NPAS2: variants seen among roughly 807,000 people sequenced by gnomAD.
NPAS2 encodes the protein neuronal PAS domain protein 2.
In NPAS2, 23 loss-of-function variants were observed where a neutral mutation model predicts 107.5. The observed-to-expected ratio is 0.21, with a 90% CI of 0.15 to 0.30. NPAS2 has a LOEUF of 0.30. Among genes scored for constraint, NPAS2 ranks in the 10% least tolerant of loss-of-function variants. NPAS2 has a pLI of 1.00. For missense variants in NPAS2, 756 were observed against 1,043.3 expected, an observed-to-expected ratio of 0.72 and a Z score of 3.79; for synonymous variants, 403 against 417.5, an observed-to-expected ratio of 0.97 and a Z score of 0.42.
At chr2:100,929,006 C>A (rs1259460139) in intron 3 of NPAS2, among the ~76,000 whole-genome samples, 1 of 152,178 alleles carries the variant, frequency 6.6e-6, no homozygotes, top group Non-Finnish European at 1.5e-5. Context: ...CAGGTTCAAG[C>A]GATTCTCCTG....
chr2:100,905,715 G>A (rs1350922647), intron 2 of NPAS2, among the ~76,000 whole-genome samples: 1 of 152,118 alleles, frequency 6.6e-6, no homozygotes, highest in Non-Finnish European at 1.5e-5. Context: ...TGTGTGGCAG[G>A]GCTCTCCGTC....
chr2:100,932,704 T>A (rs900247161), intron 3 of NPAS2, among the ~76,000 whole-genome samples: 5 of 151,196 alleles, frequency 3.3e-5, no homozygotes, highest in Admixed American at 1.3e-4. Context: ...GGGATGCACC[T>A]CCCTAAAGCC....
chr2:100,849,111 C>G (rs529820166), intron 1 of NPAS2, among the ~76,000 whole-genome samples: 78 of 152,328 alleles, frequency 5.1e-4, no homozygotes, highest in African/African-American at 1.7e-3. Context: ...TTGCCTTTCT[C>G]AAAGGCTGCT....
intron 2 of NPAS2, among the ~76,000 whole-genome samples, chr2:100,914,234 C>T (rs182406072): frequency 2.6e-5 from 4 of 152,252 alleles, no homozygotes; most frequent in East Asian, 3.9e-4. Context: ...TGTGGTGACT[C>T]TCCTTCCTTC....
intron 1 of NPAS2, among the ~76,000 whole-genome samples, chr2:100,890,036 G>A (rs373169906): frequency 7.9e-5 from 12 of 152,228 alleles, no homozygotes; most frequent in South Asian, 4.2e-4. Flanking sequence ...TCCTGGCAGC[G>A]TGCAGTGGTG....
At chr2:100,993,578 C>T (rs1250481635) in intron 20 of NPAS2, 51 bp downstream of exon 20, 15 of 1,327,098 alleles carry the variant, frequency 1.1e-5, no homozygotes, top group Admixed American at 5.8e-5. Context: ...AGCCGGGCCA[C>T]GCTCCACACC....
intron 1 of NPAS2, among the ~76,000 whole-genome samples, chr2:100,889,361 G>A (rs985419102): frequency 1.6e-4 from 25 of 152,214 alleles, no homozygotes; most frequent in African/African-American, 5.1e-4. Context: ...GGCTTGCCAC[G>A]GGGCTTTCTG....
intron 5 of NPAS2, among the ~76,000 whole-genome samples, chr2:100,941,592 G>A (rs1323431778): frequency 6.6e-6 from 1 of 152,106 alleles, no homozygotes; most frequent in East Asian, 1.9e-4. Flanking sequence ...AATGAGAATT[G>A]TTCAGCAGTG....
At chr2:100,963,390 GTTTGTTTTGTTTTGT>G (rs552393797) in intron 7 of NPAS2, among the ~76,000 whole-genome samples, 1 of 149,008 alleles carries the variant, frequency 6.7e-6, no homozygotes, top group Non-Finnish European at 1.5e-5. Flanking sequence ...TCTTTTTTTT[GTTTGTTTTGTTTTGT>G]TTTGTTTTGT....
At chr2:100,841,119 C>G (rs754689347) in intron 1 of NPAS2, among the ~76,000 whole-genome samples, 5 of 152,180 alleles carry the variant, frequency 3.3e-5, no homozygotes, top group Non-Finnish European at 7.3e-5. Context: ...AGTGAGCAAA[C>G]AGTGCCTATT....
At chr2:100,885,715 C>T (rs1034231622) in intron 1 of NPAS2, among the ~76,000 whole-genome samples, 1 of 152,176 alleles carries the variant, frequency 6.6e-6, no homozygotes, top group African/African-American at 2.4e-5. Flanking sequence ...TGCTCTGTCA[C>T]CCAGACTGGC....
intron 1 of NPAS2, among the ~76,000 whole-genome samples, chr2:100,888,547 C>A (rs184372083): frequency 2.6e-5 from 4 of 152,268 alleles, no homozygotes; most frequent in African/African-American, 4.8e-5. Context: ...CCCCCCACCC[C>A]ATAGTTACTA....
chr2:100,924,723 G>A (rs1161449785), intron 2 of NPAS2, among the ~76,000 whole-genome samples: 1 of 147,870 alleles, frequency 6.8e-6, no homozygotes, highest in Non-Finnish European at 1.5e-5. Context: ...GGGATACCTG[G>A]CCACCCCGTG....
rs573829151 is a variant in NPAS2, at chr2:100,982,124, C to T, written c.1483-107C>T. On this transcript the variant is annotated intron_variant, in intron 15 of 20. Coordinates refer to ENST00000335681, the MANE Select transcript of NPAS2 (RefSeq NM_002518.4). ...GGCTCCTTAGGGATGCTGGGAAAGACGGCTAAGGGACGGAAATGAAGTGTA... is the reference window on the plus strand; with the variant it reads ...GGCTCCTTAGGGATGCTGGGAAAGATGGCTAAGGGACGGAAATGAAGTGTA... The T allele has an allele frequency of 4.5e-5, 60 of 1,342,550 alleles. 1 individual carries two copies. In the East Asian group the frequency reaches 5.9e-4, roughly 13 times the overall value. The allele number at this position is 1,342,550 out of a possible 1,614,324, so 83.2% of individuals were successfully genotyped here. A position where few individuals can be genotyped will look rare whatever the true frequency, so the allele number is the denominator to read the frequency against.
chr2:100,951,312 G>T (rs1675208520), intron 7 of NPAS2, among the ~76,000 whole-genome samples: 2 of 152,208 alleles, frequency 1.3e-5, no homozygotes, highest in Admixed American at 6.5e-5. Flanking sequence ...ACTAGCATAT[G>T]ATCCAGCAAT....
intron 7 of NPAS2, among the ~76,000 whole-genome samples, chr2:100,954,385 C>A (rs980466047): frequency 6.6e-6 from 1 of 152,160 alleles, no homozygotes; most frequent in Non-Finnish European, 1.5e-5. Context: ...AAAATGTGGG[C>A]CAGGCACGGT....
At chr2:100,865,954 C>T (rs563383409) in intron 1 of NPAS2, among the ~76,000 whole-genome samples, 2 of 152,342 alleles carry the variant, frequency 1.3e-5, no homozygotes, top group East Asian at 3.9e-4. Context: ...TGTCTCTTCA[C>T]TGATTTTGAC....
At chr2:100,954,858 T>TG (rs1409391845) in intron 7 of NPAS2, among the ~76,000 whole-genome samples, 2 of 133,148 alleles carry the variant, frequency 1.5e-5, no homozygotes, top group African/African-American at 5.6e-5. Flanking sequence ...ATCATTTTTT[T>TG]GTTTTTTTTG....
intron 12 of NPAS2, among the ~76,000 whole-genome samples, chr2:100,973,582 T>TC (rs1676747526): frequency 6.6e-6 from 1 of 152,130 alleles, no homozygotes; most frequent in Non-Finnish European, 1.5e-5. Flanking sequence ...GGCCTGTAGG[T>TC]CACATGTCAG....
Sources: gnomAD v4.1 joint callset for allele counts (sites outside exome capture counted in the v4.1 genomes callset) on GRCh38, gnomAD v4.1.1 for gene constraint, MANE v1.5 for transcripts, NCBI Gene and HGNC (gene_info 2026-07-23, HGNC 2026-07-21) for gene names.